NIPA1: variants seen among roughly 807,000 people sequenced by gnomAD.
NIPA1 encodes NIPA magnesium transporter 1.
In NIPA1, 13 loss-of-function variants were observed where a neutral mutation model predicts 23.9. The observed-to-expected ratio is 0.54, with a 90% confidence interval of 0.35 to 0.87. NIPA1 has a LOEUF of 0.87. Among genes scored for constraint, NIPA1 ranks in the 40% least tolerant of loss-of-function variants. The probability of loss-of-function intolerance (pLI) is 0.01; values close to 1 mark genes in which losing one functional copy is unlikely to be tolerated. For missense variants in NIPA1, 362 were observed against 429.7 expected (o/e 0.84, Z 1.39); for synonymous variants, 234 against 202.9 (o/e 1.15, Z -1.30).
chr15:22,786,856 AGGCGGCGGGCGGGTGGGGGAGGCG>A (rs1894717326), intron 1 of NIPA1, 22 bp downstream of exon 1: 5 of 232,838 alleles, frequency 2.1e-5, no homozygotes, highest in Non-Finnish European at 3.7e-5. Flanking sequence ...GGCAGGCGGC[AGGCGGCGGGCGGGTGGGGGAGGCG>A]GGCGGCGGAG....
intron 1 of NIPA1, among the ~76,000 whole-genome samples, chr15:22,791,273 T>C (rs960099483): frequency 1.3e-5 from 2 of 152,070 alleles, no homozygotes; most frequent in Non-Finnish European, 2.9e-5. Context: ...ATGTCTGTTA[T>C]TCCACTCTGT....
intron 3 of NIPA1, among the ~76,000 whole-genome samples, chr15:22,818,209 C>G (rs1461220401): frequency 6.6e-6 from 1 of 151,850 alleles, no homozygotes; most frequent in Non-Finnish European, 1.5e-5. Context: ...GAGGCCGAGG[C>G]GGGTGGATCA....
In NIPA1 at chr15:22,824,663, T is replaced by G; in HGVS notation, c.*424T>G. 1.4e-5 allele frequency: 3 copies of G among 213,540 alleles called. No homozygotes were observed. The South Asian group carries it at 2.0e-4, about 14-fold the overall frequency. The allele number at this position is 213,540 out of a possible 1,614,324, so 13.2% of individuals were successfully genotyped here. ...TGTCTTGAACTCTGGCACTGTACAGTGAATGTGTCTGTAGTTGTGTTAGTT... is the reference window on the plus strand; with the variant it reads ...TGTCTTGAACTCTGGCACTGTACAGGGAATGTGTCTGTAGTTGTGTTAGTT... On this transcript the variant is annotated 3_prime_UTR_variant, in exon 5 of 5. Transcript: ENST00000337435. This position sits in a 1 kb window ranked among gnomAD's most constrained non-coding sequence, Gnocchi z 4.1.
At chr15:22,799,943 C>CA (rs61174589) in intron 1 of NIPA1, among the ~76,000 whole-genome samples, 618 of 46,952 alleles carry the variant, frequency 0.013, 9 homozygotes, top group East Asian at 0.029. Context: ...GACCCTGTCT[C>CA]AAAAAAAAAA....
rs1895717212 is a variant in NIPA1 at position 22,829,743 on chromosome 15, A to T, written c.*5504A>T. On this transcript the variant is annotated 3_prime_UTR_variant, in exon 5 of 5. Transcript: ENST00000337435. ...GCTATTAAGTTTTCCAGTAATATTT[A>T]TTAATCTGTATGTGTTTTAAAATAA... The T allele has an allele frequency of 6.6e-6, 1 of 152,150 alleles. No individual in the cohort carries two copies. The highest frequency in any genetic ancestry group is 6.5e-5 in the Admixed American group (1 of 15,272). The allele number at this position is 152,150 out of a possible 1,614,324, so 9.4% of individuals were successfully genotyped here. A position where few individuals can be genotyped will look rare whatever the true frequency, so the allele number is the denominator to read the frequency against.
At position 22,824,958 on chromosome 15, in the gene NIPA1, T is replaced by G. The variant is rs1895619605; in HGVS notation, c.*719T>G. 1 of 152,660 alleles carries G rather than the reference T, an allele frequency of 6.6e-6. No individual in the cohort carries two copies. The highest frequency in any genetic ancestry group is 1.5e-5 in the Non-Finnish European group (1 of 68,068). The allele number at this position is 152,660 out of a possible 1,614,324, so 9.5% of individuals were successfully genotyped here. ...TCTTAATGTGTATATGTTCTTAGAT[T>G]AGAATAATGCAACTTCGAGTATGCT... On this transcript the variant is annotated 3_prime_UTR_variant, in exon 5 of 5. Coordinates refer to ENST00000337435, the MANE Select transcript of NIPA1 (RefSeq NM_144599.5). This position sits in a 1 kb window ranked among gnomAD's most constrained non-coding sequence, Gnocchi z 4.1.
rs1895654523 is a variant in NIPA1 at position 22,826,431 on chromosome 15, G to A, written c.*2192G>A. The A allele has an allele frequency of 6.6e-6, 1 of 152,160 alleles. No individual in the cohort carries two copies. The highest frequency in any genetic ancestry group is 1.5e-5 in the Non-Finnish European group (1 of 68,032). 9.4% of individuals were successfully genotyped at this position (152,160 alleles called of 1,614,324 possible). A position where few individuals can be genotyped will look rare whatever the true frequency, so the allele number is the denominator to read the frequency against. On this transcript the variant is annotated 3_prime_UTR_variant, in exon 5 of 5. Coordinates refer to ENST00000337435, the MANE Select transcript of NIPA1 (RefSeq NM_144599.5). The stretch of plus-strand genomic sequence containing the variant: ...CTGAACTTTCTGAAAACGTAATGTA[G>A]CAGTATCAATATACTTTTGGGCATA...
In NIPA1 at chr15:22,828,163, T is replaced by C. The variant is rs563261299; in HGVS notation, c.*3924T>C. 14 of 152,538 alleles carry C rather than the reference T, an allele frequency of 9.2e-5. No individual in the cohort carries two copies. Among genetic ancestry groups the C allele is most frequent in the Middle Eastern group, 3.4e-3 (1 of 294 alleles). 9.4% of individuals were successfully genotyped at this position (152,538 alleles called of 1,614,324 possible). A position where few individuals can be genotyped will look rare whatever the true frequency, so the allele number is the denominator to read the frequency against. On this transcript the variant is annotated 3_prime_UTR_variant, in exon 5 of 5. Coordinates refer to ENST00000337435, the MANE Select transcript of NIPA1 (RefSeq NM_144599.5). ...GTCCATCAGGCGGGATTGGATGGAG[T>C]CTTGGTGTTTTGCCTTCTCAGGGAC...
At chr15:22,791,475 CT>C (rs11428709) in intron 1 of NIPA1, among the ~76,000 whole-genome samples, 237 of 18,114 alleles carry the variant, frequency 0.013, 1 homozygote, top group African/African-American at 0.037. Flanking sequence ...TCCTCTTTCA[CT>C]TTTTTTTTTT....
chr15:22,799,675 G>C (rs1380178778), intron 1 of NIPA1, among the ~76,000 whole-genome samples: 1 of 151,812 alleles, frequency 6.6e-6, no homozygotes, highest in African/African-American at 2.4e-5. Context: ...CCAGCTACTC[G>C]GGAGGCTGAG....
rs1484739915 is a variant in NIPA1 at position 22,828,974 on chromosome 15, T to G, written c.*4735T>G. On this transcript the variant is annotated 3_prime_UTR_variant, in exon 5 of 5. Coordinates refer to ENST00000337435, the MANE Select transcript of NIPA1 (RefSeq NM_144599.5). ...AACTCCGCTTGCACGGACCATGGAG[T>G]CTGCTCAGGACCATGCTGTAGGACA... is the stretch of plus-strand genomic sequence containing the variant. 1.3e-5 allele frequency: 2 copies of G among 152,224 alleles called. No individual in the cohort carries two copies. The highest frequency in any genetic ancestry group is 4.8e-5 in the African/African-American group (2 of 41,430). 9.4% of individuals were successfully genotyped at this position (152,224 alleles called of 1,614,324 possible).
chr15:22,792,517 C>G (rs1331147785), intron 1 of NIPA1, among the ~76,000 whole-genome samples: 3 of 152,188 alleles, frequency 2.0e-5, no homozygotes, highest in Non-Finnish European at 2.9e-5. Context: ...CGCCACCACA[C>G]CCGGCTAATT....
chr15:22,799,051 A>G (rs949075586), intron 1 of NIPA1, among the ~76,000 whole-genome samples: 3 of 152,036 alleles, frequency 2.0e-5, no homozygotes, highest in Admixed American at 1.3e-4. Flanking sequence ...TAGATCTACC[A>G]TTCAACCCAG....
intron 3 of NIPA1, chr15:22,814,067 T>A (rs1895368291): frequency 8.0e-7 from 1 of 1,254,734 alleles, no homozygotes; most frequent in African/African-American, 1.5e-5. Context: ...AAATGTTCAC[T>A]GCTCCACATC....
chr15:22,799,000 C>T (rs1462527168), intron 1 of NIPA1, among the ~76,000 whole-genome samples: 1 of 151,944 alleles, frequency 6.6e-6, no homozygotes, highest in Non-Finnish European at 1.5e-5. Context: ...TAGTTCAACC[C>T]CTGTGGAAAA....
chr15:22,829,694 T>A lies in NIPA1; in HGVS notation c.*5455T>A, dbSNP rs1895716451. ...TTATAGATGTAGTCATAGCATGTTG[T>A]TATTGCCTCATGTAAATAAAAAGGC... is the stretch of plus-strand genomic sequence containing the variant. On this transcript the variant is annotated 3_prime_UTR_variant, in exon 5 of 5. Coordinates refer to ENST00000337435, the MANE Select transcript of NIPA1 (RefSeq NM_144599.5). 6.6e-6 allele frequency: 1 copy of A among 152,234 alleles called. No individual in the cohort carries two copies. Among genetic ancestry groups the A allele is most frequent in the Non-Finnish European group, 1.5e-5 (1 of 68,040 alleles). 9.4% of individuals were successfully genotyped at this position (152,234 alleles called of 1,614,324 possible). A position where few individuals can be genotyped will look rare whatever the true frequency, so the allele number is the denominator to read the frequency against.
intron 2 of NIPA1, 74 bp from the exon 3 acceptor site, chr15:22,812,089 C>A: frequency 9.0e-7 from 1 of 1,105,746 alleles, no homozygotes; most frequent in Non-Finnish European, 1.4e-6. Context: ...CAGAGCCTAG[C>A]GTAATTCAAC....
intron 1 of NIPA1, among the ~76,000 whole-genome samples, chr15:22,795,001 C>G (rs547931085): frequency 6.6e-6 from 1 of 152,262 alleles, no homozygotes; most frequent in South Asian, 2.1e-4. Flanking sequence ...GGACACGGAG[C>G]AGAGGCATCT....
At position 22,823,811 on chromosome 15, in the gene NIPA1, A is replaced by G. The variant is rs755365260; in HGVS notation, c.562A>G (p.Ile188Val). ...WIAPAHGPTN[I>V]MVYISICSLL... ...CGCGCCGGCCCATGGGCCCACCAAC[A>G]TCATGGTCTACATCAGCATCTGCTC... Residue 188 changes from isoleucine to valine, a missense_variant, in exon 5 of 5, where the codon ATC (isoleucine) becomes GTC (valine). Ile to Val is a conservative substitution (Grantham distance 29). Around this residue, in one of 2 missense-constraint regions of NIPA1, gnomAD observed 277 missense variants for 372.0 expected, o/e 0.74. Transcript: ENST00000337435. 6.2e-6 allele frequency: 10 copies of G among 1,613,982 alleles called. No individual in the cohort carries two copies. The highest frequency in any genetic ancestry group is 8.5e-6 in the Non-Finnish European group (10 of 1,180,000).
Sources: allele counts gnomAD v4.1 joint callset (sites outside exome capture counted in the v4.1 genomes callset), GRCh38; gene constraint gnomAD v4.1.1; regional missense constraint gnomAD v4.1.1; non-coding constraint Gnocchi (gnomAD v3.1); transcripts MANE v1.5; gene names NCBI Gene and HGNC (gene_info 2026-07-23, HGNC 2026-07-21).